FAR2: variants seen among roughly 807,000 people sequenced by gnomAD.
FAR2 encodes the protein fatty acyl-CoA reductase 2.
FAR2 carries 19 observed loss-of-function variants against 56.0 expected under a neutral mutation model. The observed-to-expected ratio is 0.34, with a 90% CI of 0.24 to 0.50. FAR2 has a LOEUF of 0.50. Among genes scored for constraint, FAR2 ranks in the 20% least tolerant of loss-of-function variants. FAR2 has a pLI of 0.98. For synonymous variants in FAR2, 219 were observed against 218.8 expected (o/e 1.00, Z -0.01); for missense variants, 508 against 642.2 (o/e 0.79, Z 2.26).
At chr12:29,167,427 G>A (rs1047742740) in intron 1 of FAR2, among the ~76,000 whole-genome samples, 6 of 152,022 alleles carry the variant, frequency 3.9e-5, no homozygotes, top group South Asian at 2.1e-4. Flanking sequence ...TCTGACCTAC[G>A]TTTTTCTACA....
At chr12:29,258,380 G>A (rs1670249769) in intron 1 of FAR2, among the ~76,000 whole-genome samples, 1 of 151,556 alleles carries the variant, frequency 6.6e-6, no homozygotes, top group South Asian at 2.1e-4. Context: ...AAAATCGCAG[G>A]GATATGTAAT....
intron 1 of FAR2, among the ~76,000 whole-genome samples, chr12:29,172,877 C>G (rs1949902094): frequency 6.6e-6 from 1 of 152,138 alleles, no homozygotes; most frequent in African/African-American, 2.4e-5. Flanking sequence ...GTTTTTGACT[C>G]CAGTCCCCAT....
rs965805839 is a variant in FAR2, at chr12:29,293,284, T to C, written c.190-16T>C. 3.9e-6 allele frequency: 6 copies of C among 1,530,700 alleles called. No individual in the cohort carries two copies. The African/African-American group carries it at 8.4e-5, about 22-fold the overall frequency. 94.8% of individuals were successfully genotyped at this position (1,530,700 alleles called of 1,614,324 possible). A position where few individuals can be genotyped will look rare whatever the true frequency, so the allele number is the denominator to read the frequency against. ...TGGTGCTATTTTTTGTATATTGATC[T>C]ATATTTATGTTTCAGCTATTTGAGA... On this transcript the variant is annotated splice_polypyrimidine_tract_variant and intron_variant, in intron 2 of 11. Coordinates refer to ENST00000536681, the MANE Select transcript of FAR2 (RefSeq NM_001271783.2).
At chr12:29,157,106 T>TATA (rs1555176819) in intron 1 of FAR2, 39 of 73,450 alleles carry the variant, frequency 5.3e-4, no homozygotes, top group East Asian at 1.1e-3. Context: ...AAAGAACATT[T>TATA]TATATATATA....
At chr12:29,330,303 C>T (rs563238260) in intron 10 of FAR2, among the ~76,000 whole-genome samples, 40 of 152,118 alleles carry the variant, frequency 2.6e-4, no homozygotes, top group African/African-American at 8.9e-4. Flanking sequence ...GTGATCTGCC[C>T]GCCTCGACCT....
intron 2 of FAR2, chr12:29,281,182 T>C (rs1181335251): frequency 1.3e-5 from 2 of 152,224 alleles, no homozygotes; most frequent in African/African-American, 4.8e-5. Context: ...AGGTAGAAAA[T>C]GTCTCTGTTC....
At chr12:29,263,085 C>A (rs1948450973) in intron 1 of FAR2, among the ~76,000 whole-genome samples, 1 of 152,136 alleles carries the variant, frequency 6.6e-6, no homozygotes, top group East Asian at 1.9e-4. Flanking sequence ...GATGTTGAAC[C>A]AGCAATAGGA....
At chr12:29,283,233 A>C (rs1163646426) in intron 2 of FAR2, among the ~76,000 whole-genome samples, 4 of 152,200 alleles carry the variant, frequency 2.6e-5, no homozygotes, top group Non-Finnish European at 5.9e-5. Flanking sequence ...TGGTGCAAAA[A>C]CAGATGCAAA....
intron 6 of FAR2, 149 bp downstream of exon 6, chr12:29,309,379 AAT>A (rs1949308234): frequency 3.0e-6 from 2 of 662,606 alleles, no homozygotes; most frequent in Non-Finnish European, 5.2e-6. Flanking sequence ...TTCTGATTGT[AAT>A]ATACAGGCAG....
At chr12:29,166,078 A>G (rs1054169347) in intron 1 of FAR2, among the ~76,000 whole-genome samples, 4 of 152,090 alleles carry the variant, frequency 2.6e-5, no homozygotes, top group African/African-American at 4.8e-5. Context: ...TCATCTGTGA[A>G]TAACAACATC....
chr12:29,305,037 T>C (rs575487387), intron 4 of FAR2, among the ~76,000 whole-genome samples: 1 of 152,336 alleles, frequency 6.6e-6, no homozygotes, highest in Admixed American at 6.5e-5. Flanking sequence ...ACTAATCTCC[T>C]CTGAACCTAG....
chr12:29,186,843 C>G (rs1203683519), intron 1 of FAR2, among the ~76,000 whole-genome samples: 1 of 151,898 alleles, frequency 6.6e-6, no homozygotes, highest in East Asian at 1.9e-4. Context: ...GGCTGGAGTG[C>G]AGTGGCGCAA....
intron 1 of FAR2, among the ~76,000 whole-genome samples, chr12:29,269,282 A>G (rs1489429673): frequency 6.6e-6 from 1 of 152,170 alleles, no homozygotes; most frequent in East Asian, 1.9e-4. Context: ...GAGAAAAAGA[A>G]TTCAGCAATA....
intron 2 of FAR2, among the ~76,000 whole-genome samples, chr12:29,281,862 G>A (rs1948790272): frequency 6.6e-6 from 1 of 151,752 alleles, no homozygotes; most frequent in Non-Finnish European, 1.5e-5. Flanking sequence ...ACACGGAAAA[G>A]TTAAAGGAAA....
At chr12:29,271,916 A>G (rs1948625111) in intron 2 of FAR2, among the ~76,000 whole-genome samples, 1 of 152,226 alleles carries the variant, frequency 6.6e-6, no homozygotes, top group Non-Finnish European at 1.5e-5. Flanking sequence ...TACCTAGTAG[A>G]GGAAAAATTG....
At chr12:29,255,168 A>AG (rs60346241) in intron 1 of FAR2, among the ~76,000 whole-genome samples, 87,075 of 151,858 alleles carry the variant, frequency 0.57, 25,771 homozygotes, top group African/African-American at 0.72. Flanking sequence ...GGAGGCTAGA[A>AG]TTCAAGATCA....
intron 2 of FAR2, among the ~76,000 whole-genome samples, chr12:29,274,375 A>G (rs1450930376): frequency 2.6e-5 from 4 of 152,006 alleles, no homozygotes; most frequent in African/African-American, 4.8e-5. Context: ...ACATGAACTC[A>G]TCATTTTTTA....
At chr12:29,167,753 T>C (rs1311903546) in intron 1 of FAR2, among the ~76,000 whole-genome samples, 1 of 152,228 alleles carries the variant, frequency 6.6e-6, no homozygotes, top group Non-Finnish European at 1.5e-5. Flanking sequence ...CCTGACAATT[T>C]GGTGCTTTAT....
chr12:29,220,808 G>T (rs1947678140), intron 1 of FAR2, among the ~76,000 whole-genome samples: 2 of 152,074 alleles, frequency 1.3e-5, no homozygotes, highest in Non-Finnish European at 2.9e-5. Context: ...TATTTAAAAA[G>T]CTTTAGAACA....
Sources: allele counts gnomAD v4.1 joint callset (sites outside exome capture counted in the v4.1 genomes callset), GRCh38; gene constraint gnomAD v4.1.1; transcripts MANE v1.5; gene names NCBI Gene and HGNC (gene_info 2026-07-23, HGNC 2026-07-21).